The following DIP2B variants were observed in gnomAD, a reference collection of about 807,000 sequenced individuals.
The protein encoded by DIP2B is disco-interacting protein 2 homolog B.
Under a neutral mutation model 198.0 loss-of-function variants are expected in DIP2B, and 76 were observed. The observed-to-expected ratio is 0.38, with a 90% confidence interval of 0.32 to 0.46. The LOEUF is 0.46. Among genes scored for constraint, DIP2B ranks in the 20% least tolerant of loss-of-function variants. The probability of loss-of-function intolerance (pLI) is 0.99; values close to 1 mark genes in which losing one functional copy is unlikely to be tolerated. For synonymous variants in DIP2B, 701 were observed against 739.1 expected (o/e 0.95, Z 0.84); for missense variants, 1,559 against 1,978.4 (o/e 0.79, Z 4.02).
intron 3 of DIP2B, among the ~76,000 whole-genome samples, chr12:50,643,457 A>G (rs1938297057): frequency 8.0e-6 from 1 of 124,576 alleles, no homozygotes. Flanking sequence ...GTGTGTTTTA[A>G]AGGATAGTAG....
At chr12:50,686,943 G>A (rs1319522281) in intron 12 of DIP2B, 3 of 314,786 alleles carry the variant, frequency 9.5e-6, no homozygotes, top group Non-Finnish European at 1.7e-5. Context: ...CTTTAGGGAA[G>A]TACAAGCGTT....
chr12:50,522,626 A>AT (rs925648836), intron 1 of DIP2B, among the ~76,000 whole-genome samples: 3 of 152,148 alleles, frequency 2.0e-5, no homozygotes, highest in African/African-American at 7.2e-5. Flanking sequence ...CTGGGAATTG[A>AT]TTTTTTTGTT....
intron 1 of DIP2B, among the ~76,000 whole-genome samples, chr12:50,563,605 C>T (rs1035397668): frequency 6.7e-6 from 1 of 149,204 alleles, no homozygotes. Context: ...ATCCTCTTCT[C>T]TTGCCTAAGC....
chr12:50,720,454 A>G (rs1005296114), intron 25 of DIP2B, among the ~76,000 whole-genome samples: 4 of 151,272 alleles, frequency 2.6e-5, no homozygotes, highest in Non-Finnish European at 5.9e-5. Context: ...AATTTATGCA[A>G]TAATAGAACT....
At chr12:50,655,573 A>C (rs984562427) in intron 3 of DIP2B, among the ~76,000 whole-genome samples, 1 of 152,268 alleles carries the variant, frequency 6.6e-6, no homozygotes, top group African/African-American at 2.4e-5. Context: ...GAACTAACTC[A>C]AACAGCTTTT....
intron 25 of DIP2B, 141 bp from the exon 26 acceptor site, chr12:50,721,132 A>T: frequency 7.7e-7 from 1 of 1,296,200 alleles, no homozygotes; most frequent in African/African-American, 1.5e-5. Context: ...ATGCTAAGGG[A>T]ATTTTCACTA....
intron 1 of DIP2B, among the ~76,000 whole-genome samples, chr12:50,513,239 T>A (rs1387114672): frequency 6.6e-6 from 1 of 152,172 alleles, no homozygotes; most frequent in Non-Finnish European, 1.5e-5. Context: ...TTGTGATAAA[T>A]TTTTTGAAAG....
chr12:50,709,204 G>A (rs973131701), intron 22 of DIP2B, among the ~76,000 whole-genome samples: 1 of 152,146 alleles, frequency 6.6e-6, no homozygotes, highest in African/African-American at 2.4e-5. Flanking sequence ...CTGCAAAGTA[G>A]GATAAAATTA....
At chr12:50,576,865 A>G (rs903680695) in intron 1 of DIP2B, among the ~76,000 whole-genome samples, 11 of 151,066 alleles carry the variant, frequency 7.3e-5, no homozygotes, top group African/African-American at 2.2e-4. Context: ...ATCCCTTGTT[A>G]TTATTATTTT....
At chr12:50,507,735 C>T (rs546742701) in intron 1 of DIP2B, among the ~76,000 whole-genome samples, 4 of 152,102 alleles carry the variant, frequency 2.6e-5, no homozygotes, top group Admixed American at 6.6e-5. Flanking sequence ...CGGGTTTCAC[C>T]GTGTTGGCCA....
At chr12:50,538,966 A>G (rs1477034859) in intron 1 of DIP2B, among the ~76,000 whole-genome samples, 1 of 152,006 alleles carries the variant, frequency 6.6e-6, no homozygotes, top group African/African-American at 2.4e-5. Context: ...TATACTTTAA[A>G]TTGTCATTTT....
chr12:50,586,082 G>T (rs999173409), intron 1 of DIP2B, among the ~76,000 whole-genome samples: 1 of 152,184 alleles, frequency 6.6e-6, no homozygotes, highest in African/African-American at 2.4e-5. Context: ...TTGTCTCAGG[G>T]CATTAGTCTT....
chr12:50,722,587 CT>C (rs1481958219), intron 26 of DIP2B, among the ~76,000 whole-genome samples: 1 of 152,108 alleles, frequency 6.6e-6, no homozygotes, highest in Non-Finnish European at 1.5e-5. Context: ...CCTTATTTAC[CT>C]AGATACTGAG....
At chr12:50,580,146 A>C (rs1264474080) in intron 1 of DIP2B, among the ~76,000 whole-genome samples, 1 of 149,008 alleles carries the variant, frequency 6.7e-6, no homozygotes, top group Non-Finnish European at 1.5e-5. Flanking sequence ...ATTAATTGTG[A>C]GTCAAGTACT....
chr12:50,642,638 A>T (rs1938276147), intron 3 of DIP2B, among the ~76,000 whole-genome samples: 1 of 152,166 alleles, frequency 6.6e-6, no homozygotes, highest in Middle Eastern at 3.4e-3. Context: ...ATACAAAAAA[A>T]TTTAGCTGGA....
intron 1 of DIP2B, among the ~76,000 whole-genome samples, chr12:50,521,366 A>G (rs111594109): frequency 6.6e-6 from 1 of 151,916 alleles, no homozygotes; most frequent in Middle Eastern, 3.4e-3. Flanking sequence ...CAGCCTCCCA[A>G]AGTGCTGGGA....
chr12:50,641,723 G>T (rs1258160300), intron 3 of DIP2B, among the ~76,000 whole-genome samples: 1 of 152,136 alleles, frequency 6.6e-6, no homozygotes, highest in African/African-American at 2.4e-5. Context: ...CCACCTGGCG[G>T]CCAGTACCAG....
chr12:50,565,520 T>G (rs144430093), intron 1 of DIP2B, among the ~76,000 whole-genome samples: 1,937 of 152,250 alleles, frequency 0.013, 17 homozygotes, highest in Non-Finnish European at 0.019. Flanking sequence ...ATGGTCTCGA[T>G]CTCTTGACCT....
intron 1 of DIP2B, among the ~76,000 whole-genome samples, chr12:50,585,487 A>G (rs1311619455): frequency 1.3e-5 from 2 of 152,174 alleles, no homozygotes; most frequent in East Asian, 1.9e-4. Flanking sequence ...ATGAAGAGAG[A>G]GCATCATGTG....
Sources: allele counts gnomAD v4.1 joint callset (sites outside exome capture counted in the v4.1 genomes callset), GRCh38; gene constraint gnomAD v4.1.1; transcripts MANE v1.5; gene names NCBI Gene and HGNC (gene_info 2026-07-23, HGNC 2026-07-21).